Variants in ADAMTS3 observed in about 807,000 individuals in gnomAD.
ADAMTS3 encodes the protein ADAM metallopeptidase with thrombospondin type 1 motif 3, also known as A disintegrin and metalloproteinase with thrombospondin motifs 3.
In ADAMTS3, 73 loss-of-function variants were observed where a neutral mutation model predicts 129.0. The ratio of observed to expected loss-of-function variants is 0.57; its 90% CI spans 0.47 to 0.69. The LOEUF (loss-of-function observed/expected upper bound fraction) is 0.69. ADAMTS3 is among the 30% of genes least tolerant of loss of function. The pLI is 0.00. For synonymous variants in ADAMTS3, 477 were observed against 510.8 expected (o/e 0.93, Z 0.89); for missense variants, 1,457 against 1,514.5 (o/e 0.96, Z 0.63).
chr4:72,425,933 A>C (rs1464575962), intron 3 of ADAMTS3, among the ~76,000 whole-genome samples: 11 of 151,960 alleles, frequency 7.2e-5, no homozygotes, highest in Non-Finnish European at 1.3e-4. Context: ...TGGTTGAACT[A>C]GTTTACAGTC....
intron 4 of ADAMTS3, among the ~76,000 whole-genome samples, chr4:72,346,150 T>C (rs929408229): frequency 1.3e-5 from 2 of 152,148 alleles, no homozygotes; most frequent in Non-Finnish European, 2.9e-5. Flanking sequence ...CAAAGCCATG[T>C]CCAACAGATT....
intron 3 of ADAMTS3, among the ~76,000 whole-genome samples, chr4:72,477,988 C>T (rs981392992): frequency 2.6e-5 from 4 of 151,994 alleles, no homozygotes; most frequent in Admixed American, 2.6e-4. Flanking sequence ...CAAGACTAAA[C>T]CAGGAAGAAG....
chr4:72,320,466 C>T (rs1719523465), intron 7 of ADAMTS3, among the ~76,000 whole-genome samples: 2 of 152,102 alleles, frequency 1.3e-5, no homozygotes, highest in African/African-American at 2.4e-5. Context: ...TTACAGCACC[C>T]CCTCCATGCC....
chr4:72,523,198 T>G (rs932680745), intron 3 of ADAMTS3, among the ~76,000 whole-genome samples: 10 of 152,080 alleles, frequency 6.6e-5, no homozygotes, highest in African/African-American at 2.4e-4. Flanking sequence ...ACATGTGCAT[T>G]AAAACAAAAA....
At position 72,339,562 on chromosome 4, in the gene ADAMTS3, C is replaced by T; in HGVS notation, c.793G>A (p.Asp265Asn). 1 of 1,613,962 alleles carries T rather than the reference C, an allele frequency of 6.2e-7. No homozygotes were observed. The highest frequency in any genetic ancestry group is 1.1e-5 in the South Asian group (1 of 91,078). The part of the protein sequence containing the change: ...DYNIEVLLGV[D>N]DSVVRFHGKE... ...CCATGGAAACGGACCACAGAGTCAT[C>T]CACTCCCAGCAGTACCTCGATATTG... The change falls in exon 5 of 22, where the codon GAT (aspartate) becomes AAT (asparagine). Residue 265 changes from aspartate (D) to asparagine (N), a missense_variant. Coordinates refer to ENST00000286657, the MANE Select transcript of ADAMTS3 (RefSeq NM_014243.3).
intron 5 of ADAMTS3, among the ~76,000 whole-genome samples, chr4:72,325,861 G>A (rs984691506): frequency 6.6e-6 from 1 of 152,080 alleles, no homozygotes; most frequent in African/African-American, 2.4e-5. Context: ...TGATATTTGA[G>A]TTAGTATAAA....
At chr4:72,547,022 C>T (rs1333903066) in intron 3 of ADAMTS3, among the ~76,000 whole-genome samples, 2 of 151,568 alleles carry the variant, frequency 1.3e-5, no homozygotes, top group Non-Finnish European at 2.9e-5. Flanking sequence ...GAACGTACAG[C>T]AGAGGGAACC....
chr4:72,516,887 G>A (rs1720500089), intron 3 of ADAMTS3, among the ~76,000 whole-genome samples: 1 of 152,052 alleles, frequency 6.6e-6, no homozygotes, highest in South Asian at 2.1e-4. Context: ...AATAGGAGTG[G>A]TGAGAGAGGG....
At chr4:72,341,223 A>T (rs964571331) in intron 4 of ADAMTS3, among the ~76,000 whole-genome samples, 2 of 152,040 alleles carry the variant, frequency 1.3e-5, no homozygotes, top group African/African-American at 4.8e-5. Context: ...ATATAGAAAC[A>T]CCAATACCCT....
intron 17 of ADAMTS3, among the ~76,000 whole-genome samples, chr4:72,298,823 A>C (rs944702200): frequency 1.3e-5 from 2 of 151,452 alleles, no homozygotes; most frequent in Non-Finnish European, 2.9e-5. Flanking sequence ...TTTAAATTAA[A>C]ATTTTTAAAT....
intron 3 of ADAMTS3, among the ~76,000 whole-genome samples, chr4:72,502,350 C>T (rs907167469): frequency 1.2e-4 from 18 of 151,972 alleles, no homozygotes; most frequent in Admixed American, 1.1e-3. Flanking sequence ...TGGAAGGTTG[C>T]GTGTTTCCAG....
chr4:72,451,442 G>C (rs775296588), intron 3 of ADAMTS3, among the ~76,000 whole-genome samples: 16 of 151,708 alleles, frequency 1.1e-4, no homozygotes, highest in Non-Finnish European at 2.1e-4. Context: ...CCAATCAAAA[G>C]AAAATACATA....
intron 3 of ADAMTS3, among the ~76,000 whole-genome samples, chr4:72,538,711 G>A (rs1433112704): frequency 6.6e-6 from 1 of 151,866 alleles, no homozygotes; most frequent in Non-Finnish European, 1.5e-5. Context: ...AAACAAACCT[G>A]AGAAAAAAAG....
intron 4 of ADAMTS3, among the ~76,000 whole-genome samples, chr4:72,387,925 T>G (rs560888776): frequency 1.3e-5 from 2 of 152,192 alleles, no homozygotes; most frequent in East Asian, 3.9e-4. Flanking sequence ...CATTAGACAC[T>G]AGAGAAGTAG....
chr4:72,509,242 C>A (rs1720247143), intron 3 of ADAMTS3, among the ~76,000 whole-genome samples: 1 of 146,758 alleles, frequency 6.8e-6, no homozygotes, highest in Non-Finnish European at 1.5e-5. Context: ...AAAGCAAACC[C>A]AAAATTAGTA....
chr4:72,516,294 A>T (rs12505244), intron 3 of ADAMTS3, among the ~76,000 whole-genome samples: 1 of 151,868 alleles, frequency 6.6e-6, no homozygotes, highest in African/African-American at 2.4e-5. Context: ...TCGTTCTTTT[A>T]GCTTAGGATT....
At chr4:72,398,879 G>A (rs553614083) in intron 4 of ADAMTS3, among the ~76,000 whole-genome samples, 12 of 152,226 alleles carry the variant, frequency 7.9e-5, no homozygotes, top group South Asian at 4.2e-4. Flanking sequence ...AATACAGCCC[G>A]GAGACTTCAT....
intron 4 of ADAMTS3, among the ~76,000 whole-genome samples, chr4:72,391,139 T>G (rs16847865): frequency 0.046 from 6,983 of 152,204 alleles, 175 homozygotes; most frequent in Non-Finnish European, 0.053. Flanking sequence ...AGGACCAGGT[T>G]AGAGGGAAGA....
chr4:72,303,958 G>T lies in ADAMTS3; in HGVS notation c.2383C>A (p.Leu795Ile). Residue 795 changes from leucine to isoleucine, a missense_variant, in exon 17 of 22, where the codon CTT (leucine) becomes ATT (isoleucine). Physicochemically the swap from Leu to Ile is conservative, Grantham distance 5 (BLOSUM62 2). Transcript: ENST00000286657. ...DYNIEDDIES[L>I]HTDGPLHDPV... ...TCATGTAAAGGTCCATCGGTGTGAA[G>T]ACTTTCAATGTCATCTTCAATGTTA... The T allele has an allele frequency of 6.2e-7, 1 of 1,613,554 alleles. No individual in the cohort carries two copies. The highest frequency in any genetic ancestry group is 2.2e-5 in the East Asian group (1 of 44,842).
Sources: allele counts gnomAD v4.1 joint callset (sites outside exome capture counted in the v4.1 genomes callset), GRCh38; gene constraint gnomAD v4.1.1; transcripts MANE v1.5; gene names NCBI Gene and HGNC (gene_info 2026-07-23, HGNC 2026-07-21).